GRIK2: variants seen among roughly 807,000 people sequenced by gnomAD.
GRIK2 encodes the protein glutamate receptor ionotropic, kainate 2.
In GRIK2, 32 loss-of-function variants were observed where a neutral mutation model predicts 100.3. The observed-to-expected ratio is 0.32, with a 90% CI of 0.24 to 0.43. The LOEUF is 0.43. GRIK2 is among the 20% of genes least tolerant of loss of function. The probability of loss-of-function intolerance (pLI) is 1.00; values close to 1 mark genes in which losing one functional copy is unlikely to be tolerated. For missense variants in GRIK2, 843 were observed against 1,114.9 expected (o/e 0.76, Z 3.47); for synonymous variants, 417 against 389.4 (o/e 1.07, Z -0.83).
rs192943387 is a variant in GRIK2 at position 101,495,374 on chromosome 6, C to T, written c.115+95982C>T. ...CAAAACAATTAGCCAGGCGTGGTGG[C>T]GGGCACCTGTAGTCCCAGCTACTCG... On this transcript the variant is annotated intron_variant, in intron 2 of 16. Transcript: ENST00000369134. Among the ~76,000 whole-genome samples, 193 of 151,916 alleles carry T rather than the reference C, an allele frequency of 1.3e-3. 1 individual carries two copies. The highest frequency in any genetic ancestry group is 0.011 in the East Asian group (57 of 5,126).
At chr6:101,498,577 G>T (rs1436775760) in intron 2 of GRIK2, among the ~76,000 whole-genome samples, 2 of 150,134 alleles carry the variant, frequency 1.3e-5, no homozygotes, top group South Asian at 2.2e-4. Context: ...GTGTGAGATG[G>T]TATCTCATTG....
At chr6:101,551,491 G>A (rs1235083615) in intron 2 of GRIK2, among the ~76,000 whole-genome samples, 1 of 152,104 alleles carries the variant, frequency 6.6e-6, no homozygotes, top group Non-Finnish European at 1.5e-5. Flanking sequence ...GGACATTTAT[G>A]GTCTAAAAGC....
At position 101,487,528 on chromosome 6, in the gene GRIK2, C is replaced by T. The variant is rs570046150; in HGVS notation, c.115+88136C>T. ...TGTTTTCTATTCTTTTGACAAAGAA[C>T]CTTCAGGGCCATCTTTTAAGATATG... On this transcript the variant is annotated intron_variant, in intron 2 of 16. Coordinates refer to ENST00000369134, the MANE Select transcript of GRIK2 (RefSeq NM_021956.5). Among the ~76,000 whole-genome samples, 4 of 146,562 alleles carry T rather than the reference C, an allele frequency of 2.7e-5. No homozygotes were observed. In the South Asian group the frequency reaches 6.5e-4, roughly 24 times the overall value.
intron 7 of GRIK2, among the ~76,000 whole-genome samples, chr6:101,755,161 G>GTTTTT (rs1157640683): frequency 7.3e-4 from 75 of 102,948 alleles, no homozygotes; most frequent in Non-Finnish European, 1.1e-3. Context: ...TTTCTTTTTG[G>GTTTTT]TTTTTTTTTT....
intron 16 of GRIK2, among the ~76,000 whole-genome samples, chr6:102,066,309 T>C (rs1296142571): frequency 6.6e-6 from 1 of 151,660 alleles, no homozygotes; most frequent in African/African-American, 2.4e-5. Context: ...GTGTATCTAT[T>C]GTTAATTCAA....
At chr6:101,413,149 G>C (rs992434639) in intron 2 of GRIK2, among the ~76,000 whole-genome samples, 1 of 151,918 alleles carries the variant, frequency 6.6e-6, no homozygotes, top group African/African-American at 2.4e-5. Context: ...TTGTTTCTCT[G>C]TACTATGTGT....
chr6:101,923,880 C>T (rs1413054660), intron 12 of GRIK2, among the ~76,000 whole-genome samples: 2 of 147,218 alleles, frequency 1.4e-5, no homozygotes, highest in South Asian at 2.2e-4. Flanking sequence ...GAGATTGTGC[C>T]GCTGCACTCA....
intron 2 of GRIK2, among the ~76,000 whole-genome samples, chr6:101,595,954 A>AT (rs1192155504): frequency 7.9e-4 from 99 of 126,094 alleles, no homozygotes; most frequent in African/African-American, 3.1e-3. Context: ...AATTCATTAA[A>AT]ATTTTTTTTT....
intron 2 of GRIK2, among the ~76,000 whole-genome samples, chr6:101,593,760 A>C (rs1277738361): frequency 6.6e-6 from 1 of 151,860 alleles, no homozygotes; most frequent in Non-Finnish European, 1.5e-5. Context: ...CTTCCCAATG[A>C]GCAAAGTTTA....
intron 2 of GRIK2, among the ~76,000 whole-genome samples, chr6:101,564,403 A>T (rs956890526): frequency 6.6e-6 from 1 of 152,190 alleles, no homozygotes; most frequent in African/African-American, 2.4e-5. Flanking sequence ...ACTGTATCAA[A>T]GCCTTTTTGA....
chr6:101,960,766 T>TGCG (rs1376997488), intron 14 of GRIK2, among the ~76,000 whole-genome samples: 2 of 152,200 alleles, frequency 1.3e-5, no homozygotes, highest in African/African-American at 4.8e-5. Flanking sequence ...CGCAGCACAA[T>TGCG]GCTCTTCTGA....
At chr6:102,003,640 C>T (rs1051882066) in intron 14 of GRIK2, among the ~76,000 whole-genome samples, 1 of 151,604 alleles carries the variant, frequency 6.6e-6, no homozygotes, top group African/African-American at 2.4e-5. Flanking sequence ...ATGACAAAGG[C>T]TGTTTTATTT....
chr6:101,889,778 T>G lies in GRIK2; in HGVS notation c.1663T>G (p.Phe555Val). ...PNGTNPGVFS[F>V]LNPLSPDIWM... ...TGGTACAAACCCAGGCGTCTTCTCC[T>G]TCCTGAATCCTCTCTCCCCTGATAT... Residue 555 changes from phenylalanine (F) to valine (V), a missense_variant, in exon 12 of 17, where the codon TTC (phenylalanine) becomes GTC (valine). Phe to Val is a conservative substitution (Grantham distance 50, BLOSUM62 -1). This residue lies in a region of GRIK2 where 237 missense variants were observed against 388.0 expected (regional missense o/e 0.61). Transcript: ENST00000369134. The G allele has an allele frequency of 6.2e-7, 1 of 1,613,574 alleles. No individual in the cohort carries two copies. The highest frequency in any genetic ancestry group is 8.5e-7 in the Non-Finnish European group (1 of 1,179,574).
At chr6:101,852,024 G>C (rs1425117271) in intron 10 of GRIK2, among the ~76,000 whole-genome samples, 5 of 149,768 alleles carry the variant, frequency 3.3e-5, no homozygotes, top group Non-Finnish European at 7.4e-5. Context: ...TAATATTACT[G>C]ACCTCATGTA....
chr6:101,904,420 T>C (rs1332141717), intron 12 of GRIK2, among the ~76,000 whole-genome samples: 1 of 151,512 alleles, frequency 6.6e-6, no homozygotes, highest in African/African-American at 2.4e-5. Flanking sequence ...TAATATCTTC[T>C]TTTAAGAAAG....
At chr6:101,848,953 A>T (rs991186520) in intron 10 of GRIK2, among the ~76,000 whole-genome samples, 1 of 151,974 alleles carries the variant, frequency 6.6e-6, no homozygotes, top group Non-Finnish European at 1.5e-5. Flanking sequence ...GGTGTTTTTC[A>T]TCATTTGAGA....
intron 11 of GRIK2, among the ~76,000 whole-genome samples, chr6:101,881,811 C>A (rs1017555276): frequency 6.6e-6 from 1 of 151,984 alleles, no homozygotes; most frequent in Non-Finnish European, 1.5e-5. Flanking sequence ...TATGATTGAG[C>A]CACTGCACCC....
In GRIK2 at chr6:101,979,271, C is replaced by A. The variant is rs146425726; in HGVS notation, c.2085+50639C>A. Among the ~76,000 whole-genome samples, 5 of 151,870 alleles carry A rather than the reference C, an allele frequency of 3.3e-5. No homozygotes were observed. The East Asian group carries it at 9.8e-4, about 30-fold the overall frequency. ...AGTAATGGCAATGCTCAGGTTATGA[C>A]CTGATAACATGAGATTTTAAAGCAT... On this transcript the variant is annotated intron_variant, in intron 14 of 16. Coordinates refer to ENST00000369134, the MANE Select transcript of GRIK2 (RefSeq NM_021956.5).
intron 7 of GRIK2, among the ~76,000 whole-genome samples, chr6:101,703,835 A>T (rs537935190): frequency 1.1e-4 from 15 of 141,090 alleles, no homozygotes; most frequent in Non-Finnish European, 2.0e-4. Context: ...TTGCATTATA[A>T]AAAAAAAAAG....
Sources: allele counts gnomAD v4.1 joint callset (sites outside exome capture counted in the v4.1 genomes callset), GRCh38; gene constraint gnomAD v4.1.1; regional missense constraint gnomAD v4.1.1; transcripts MANE v1.5; gene names NCBI Gene and HGNC (gene_info 2026-07-23, HGNC 2026-07-21).